Variants in ZSWIM6 observed in about 807,000 individuals in gnomAD.
ZSWIM6 encodes zinc finger SWIM domain-containing protein 6.
In ZSWIM6, 9 loss-of-function variants were observed where a neutral mutation model predicts 113.2. The ratio of observed to expected loss-of-function variants is 0.08; its 90% CI spans 0.05 to 0.14. ZSWIM6 has a LOEUF of 0.14. Among genes scored for constraint, ZSWIM6 ranks in the 10% least tolerant of loss-of-function variants. The pLI is 1.00. For missense variants in ZSWIM6, 1,162 were observed against 1,552.2 expected (o/e 0.75, Z 4.22); for synonymous variants, 611 against 606.5 (o/e 1.01, Z -0.11).
chr5:61,428,325 A>G (rs1444349117), intron 1 of ZSWIM6, among the ~76,000 whole-genome samples: 1 of 152,142 alleles, frequency 6.6e-6, no homozygotes, highest in Non-Finnish European at 1.5e-5. Flanking sequence ...GTGCTCTAGT[A>G]ATTTTCCTGA....
intron 10 of ZSWIM6, 49 bp downstream of exon 10, chr5:61,535,668 G>C: frequency 6.5e-7 from 1 of 1,546,050 alleles, no homozygotes; most frequent in Non-Finnish European, 8.7e-7. Context: ...ATTCCCACTG[G>C]GAAGCATGGC....
chr5:61,430,923 C>T (rs555730555), intron 1 of ZSWIM6, among the ~76,000 whole-genome samples: 11 of 151,920 alleles, frequency 7.2e-5, no homozygotes, highest in South Asian at 4.2e-4. Context: ...ACTTGTGCTA[C>T]GAAAATAAGA....
intron 2 of ZSWIM6, among the ~76,000 whole-genome samples, chr5:61,475,050 A>G (rs1171335236): frequency 6.6e-6 from 1 of 152,186 alleles, no homozygotes; most frequent in Non-Finnish European, 1.5e-5. Flanking sequence ...CTGCTCTGTC[A>G]TATCATCTGC....
intron 4 of ZSWIM6, among the ~76,000 whole-genome samples, chr5:61,498,704 C>G (rs578088692): frequency 6.6e-6 from 1 of 152,114 alleles, no homozygotes; most frequent in Non-Finnish European, 1.5e-5. Context: ...TTCCATCTTC[C>G]ATCCCAGACT....
chr5:61,522,311 T>C (rs1182967210), intron 5 of ZSWIM6, among the ~76,000 whole-genome samples: 1 of 152,194 alleles, frequency 6.6e-6, no homozygotes, highest in Non-Finnish European at 1.5e-5. Flanking sequence ...TATTTTTGCA[T>C]GATTCAGTGC....
intron 1 of ZSWIM6, among the ~76,000 whole-genome samples, chr5:61,433,458 GATTTATAGAC>G (rs1746628079): frequency 6.7e-6 from 1 of 150,222 alleles, no homozygotes. Flanking sequence ...AAATAAGATT[GATTTATAGAC>G]TTAGTTGTTT....
intron 1 of ZSWIM6, among the ~76,000 whole-genome samples, chr5:61,382,763 C>T (rs1234914969): frequency 1.3e-5 from 2 of 151,786 alleles, no homozygotes; most frequent in Admixed American, 6.6e-5. Context: ...TGAGATCGTG[C>T]CACTGCACTC....
chr5:61,363,597 G>A (rs1216421696), intron 1 of ZSWIM6, among the ~76,000 whole-genome samples: 1 of 152,104 alleles, frequency 6.6e-6, no homozygotes, highest in East Asian at 1.9e-4. Context: ...TATTGGCACA[G>A]TGCCTTAATG....
chr5:61,350,100 A>G (rs1338273867), intron 1 of ZSWIM6, among the ~76,000 whole-genome samples: 1 of 152,188 alleles, frequency 6.6e-6, no homozygotes, highest in African/African-American at 2.4e-5. Context: ...TAATTTAACA[A>G]TAGGGCTGTA....
intron 1 of ZSWIM6, among the ~76,000 whole-genome samples, chr5:61,397,260 C>T (rs1745856046): frequency 6.6e-6 from 1 of 152,138 alleles, no homozygotes; most frequent in African/African-American, 2.4e-5. Flanking sequence ...TCTAAAACAT[C>T]TTATACAAAT....
At position 61,441,191 on chromosome 5, in the gene ZSWIM6, C is replaced by T. The variant is rs115156601; in HGVS notation, c.677-31490C>T. Among the ~76,000 whole-genome samples, 443 of 152,122 alleles carry T rather than the reference C, an allele frequency of 2.9e-3. 5 individuals are homozygous for T. Among genetic ancestry groups the T allele is most frequent in the African/African-American group, 0.01 (426 of 41,480 alleles). ...TATTATGTATAAAAATTAAAATCTCCGGCAGTTTAGGCAGTGGGTCAAAGT... is the reference window on the plus strand; with the variant it reads ...TATTATGTATAAAAATTAAAATCTCTGGCAGTTTAGGCAGTGGGTCAAAGT... On this transcript the variant is annotated intron_variant, in intron 1 of 13. Coordinates refer to ENST00000252744, the MANE Select transcript of ZSWIM6 (RefSeq NM_020928.2).
intron 1 of ZSWIM6, among the ~76,000 whole-genome samples, chr5:61,449,789 G>A (rs75363518): frequency 0.037 from 5,597 of 150,832 alleles, 169 homozygotes; most frequent in Middle Eastern, 0.072. Context: ...CTCCTTGTAA[G>A]GGTGGGTACT....
At chr5:61,481,153 T>G (rs539918613) in intron 2 of ZSWIM6, among the ~76,000 whole-genome samples, 3 of 152,324 alleles carry the variant, frequency 2.0e-5, no homozygotes, top group South Asian at 4.1e-4. Flanking sequence ...CTCTTTCTTG[T>G]TTTGAATTTG....
At chr5:61,484,957 G>T (rs567395560) in intron 2 of ZSWIM6, among the ~76,000 whole-genome samples, 17 of 152,194 alleles carry the variant, frequency 1.1e-4, no homozygotes, top group Non-Finnish European at 1.8e-4. Flanking sequence ...ATCTATACGT[G>T]CCTCCAGGGG....
chr5:61,488,544 TG>T (rs1323445130), intron 2 of ZSWIM6, among the ~76,000 whole-genome samples: 2 of 152,018 alleles, frequency 1.3e-5, no homozygotes, highest in Non-Finnish European at 2.9e-5. Context: ...CACTCATTAC[TG>T]GTCTGCTCAG....
chr5:61,360,988 T>C (rs530453274), intron 1 of ZSWIM6, among the ~76,000 whole-genome samples: 35 of 152,318 alleles, frequency 2.3e-4, no homozygotes, highest in African/African-American at 8.4e-4. Flanking sequence ...TTAATGTTAA[T>C]TTTATATTTA....
chr5:61,368,636 AATC>A (rs1745207047), intron 1 of ZSWIM6, among the ~76,000 whole-genome samples: 1 of 152,212 alleles, frequency 6.6e-6, no homozygotes, highest in Admixed American at 6.5e-5. Context: ...TTTGGGTAAA[AATC>A]TATGGATTTT....
chr5:61,358,419 G>A (rs1390437071), intron 1 of ZSWIM6, among the ~76,000 whole-genome samples: 1 of 152,130 alleles, frequency 6.6e-6, no homozygotes, highest in Non-Finnish European at 1.5e-5. Flanking sequence ...AGAAATGGAA[G>A]CCTAAGAAGC....
chr5:61,384,156 G>A (rs1328449951), intron 1 of ZSWIM6, among the ~76,000 whole-genome samples: 5 of 150,466 alleles, frequency 3.3e-5, no homozygotes, highest in Non-Finnish European at 5.9e-5. Flanking sequence ...CAGGAGAATG[G>A]CGTGAACCCG....
Sources: gnomAD v4.1 joint callset for allele counts (sites outside exome capture counted in the v4.1 genomes callset) on GRCh38, gnomAD v4.1.1 for gene constraint, MANE v1.5 for transcripts, NCBI Gene and HGNC (gene_info 2026-07-23, HGNC 2026-07-21) for gene names.